Variants in ADGRD1 observed in about 807,000 individuals in gnomAD.
ADGRD1 encodes adhesion G protein-coupled receptor D1, also known as G-protein coupled receptor 133.
Under a neutral mutation model 113.4 loss-of-function variants are expected in ADGRD1, and 77 were observed. The ratio of observed to expected loss-of-function variants is 0.68; its 90% CI spans 0.57 to 0.82. The LOEUF (loss-of-function observed/expected upper bound fraction) is 0.82. Among genes scored for constraint, ADGRD1 ranks in the 40% least tolerant of loss-of-function variants. The pLI is 0.00. For missense variants in ADGRD1, 1,036 were observed against 1,139.1 expected (o/e 0.91, Z 1.30); for synonymous variants, 474 against 475.0 (o/e 1.00, Z 0.03).
Position 131,043,971 on chromosome 12 carries a change from G to A in ADGRD1, c.1473+29631G>A, listed in dbSNP as rs558560046. On this transcript the variant is annotated intron_variant, in intron 13 of 24. Coordinates refer to ENST00000261654, the MANE Select transcript of ADGRD1 (RefSeq NM_198827.5). ...GAGCAGAGTTGGGAGGGAAGCATTT[G>A]GCCGGGCCACTAGAGGTTCCCTGGT... 1.4e-4 allele frequency among the ~76,000 whole-genome samples: 21 copies of A among 152,286 alleles called. 1 individual carries two copies. The South Asian group carries it at 4.4e-3, about 32-fold the overall frequency.
intron 13 of ADGRD1, among the ~76,000 whole-genome samples, chr12:131,021,649 A>G (rs1248402248): frequency 1.3e-5 from 2 of 152,112 alleles, no homozygotes; most frequent in African/African-American, 4.8e-5. Flanking sequence ...GCTTGCAGAC[A>G]GTGTCTTCTC....
intron 6 of ADGRD1, chr12:130,988,165 G>C (rs1203917482): frequency 1.4e-5 from 2 of 139,000 alleles, no homozygotes; most frequent in Non-Finnish European, 3.3e-5. Flanking sequence ...CTCCCTTTCT[G>C]GGGGAGGTGT....
chr12:131,013,752 A>G (rs187908560), intron 12 of ADGRD1, among the ~76,000 whole-genome samples: 1 of 152,328 alleles, frequency 6.6e-6, no homozygotes, highest in Admixed American at 6.5e-5. Flanking sequence ...TCCTATAATC[A>G]GGGAAATTGA....
At chr12:130,996,387 C>A (rs567710711) in intron 8 of ADGRD1, among the ~76,000 whole-genome samples, 1 of 89,432 alleles carries the variant, frequency 1.1e-5, no homozygotes, top group Non-Finnish European at 2.5e-5. Context: ...CTGGACGGGG[C>A]GGCTGGCCGG....
intron 8 of ADGRD1, among the ~76,000 whole-genome samples, chr12:130,993,624 T>C (rs903072335): frequency 4.6e-5 from 7 of 151,798 alleles, no homozygotes; most frequent in South Asian, 2.1e-4. Flanking sequence ...CGTGGGAAGG[T>C]TATTTAACCT....
Position 130,971,256 on chromosome 12 carries a change from T to G in ADGRD1, c.188-202T>G. On this transcript the variant is annotated intron_variant, in intron 3 of 24. Transcript: ENST00000261654. This position sits in a 1 kb window ranked among gnomAD's most constrained non-coding sequence, Gnocchi z 4.2. Reference sequence around the variant, plus strand: ...ATTAAATTTTTATCTGACATACACATTAATAATTTACAATTTAATTACTAA... The same window carrying G: ...ATTAAATTTTTATCTGACATACACAGTAATAATTTACAATTTAATTACTAA... The G allele has an allele frequency of 3.8e-6, 1 of 264,322 alleles. No individual in the cohort carries two copies. 16.4% of individuals were successfully genotyped at this position (264,322 alleles called of 1,614,324 possible).
In ADGRD1 at chr12:131,085,570, C is replaced by T. The variant is rs967059858; in HGVS notation, c.1671+907C>T. Reference sequence around the variant, plus strand: ...CTGGGTTTGGGGTGGGGCACGTAGACGCTCATGTAGGTGGAAACCAGGAGT... The same window carrying T: ...CTGGGTTTGGGGTGGGGCACGTAGATGCTCATGTAGGTGGAAACCAGGAGT... On this transcript the variant is annotated intron_variant, in intron 15 of 24. Transcript: ENST00000261654. Among the ~76,000 whole-genome samples, 7 of 152,180 alleles carry T rather than the reference C, an allele frequency of 4.6e-5. No homozygotes were observed. In the East Asian group the frequency reaches 5.8e-4, roughly 13 times the overall value.
At chr12:131,089,628 G>GATGGGTGCTCCCA (rs1188839678) in intron 15 of ADGRD1, among the ~76,000 whole-genome samples, 12 of 111,532 alleles carry the variant, frequency 1.1e-4, no homozygotes, top group African/African-American at 4.8e-4. Context: ...GGGTGCTCCC[G>GATGGGTGCTCCCA]GCCAGTGAGT....
chr12:131,136,265 C>A (rs1369080375), intron 22 of ADGRD1, 102 bp downstream of exon 22: 7 of 1,395,116 alleles, frequency 5.0e-6, no homozygotes, highest in Middle Eastern at 4.3e-4. Context: ...CCTGCCCTCC[C>A]GGCCACACCT....
At chr12:130,993,460 T>C (rs1308799167) in intron 8 of ADGRD1, among the ~76,000 whole-genome samples, 1 of 150,782 alleles carries the variant, frequency 6.6e-6, no homozygotes, top group East Asian at 1.9e-4. Flanking sequence ...TAATACTCCC[T>C]GCTTTCAAGA....
In ADGRD1 at chr12:131,002,620, C is replaced by T. The variant is rs1014373284; in HGVS notation, c.1027-565C>T. ...TGAGGGCCCCCTGCTTTCTTGGGGGCAGTGTCTACCAGGATCCTCTGCTCT... is the reference window on the plus strand; with the variant it reads ...TGAGGGCCCCCTGCTTTCTTGGGGGTAGTGTCTACCAGGATCCTCTGCTCT... On this transcript the variant is annotated intron_variant, in intron 9 of 24. Transcript: ENST00000261654. The T allele has an allele frequency of 2.6e-5, 28 of 1,068,582 alleles. No homozygotes were observed. In the African/African-American group the frequency reaches 4.8e-4, roughly 18 times the overall value. 66.2% of individuals were successfully genotyped at this position (1,068,582 alleles called of 1,614,324 possible).
intron 18 of ADGRD1, among the ~76,000 whole-genome samples, chr12:131,109,740 G>A (rs1222391202): frequency 6.6e-6 from 1 of 152,146 alleles, no homozygotes; most frequent in Non-Finnish European, 1.5e-5. Flanking sequence ...ATACCTGTTA[G>A]GCCTAAGTTG....
At chr12:130,997,602 G>T (rs1377211941) in intron 8 of ADGRD1, among the ~76,000 whole-genome samples, 1 of 151,548 alleles carries the variant, frequency 6.6e-6, no homozygotes, top group Non-Finnish European at 1.5e-5. Flanking sequence ...CATCTCAGAC[G>T]ATGGGCGGCC....
In ADGRD1 at chr12:131,101,125, T is replaced by C. The variant is rs551197132; in HGVS notation, c.1672-3706T>C. ...GACGATGCCCCATGAAATGCAGCTA[T>C]GGTGTCCGAGAGTGATATGCATCCC... On this transcript the variant is annotated intron_variant, in intron 15 of 24. Transcript: ENST00000261654. 2.6e-5 allele frequency among the ~76,000 whole-genome samples: 4 copies of C among 152,126 alleles called. No homozygotes were observed. The South Asian group carries it at 8.3e-4, about 32-fold the overall frequency.
In ADGRD1 at chr12:131,066,520, G is replaced by A. The variant is rs144917787; in HGVS notation, c.1474-10281G>A. 3.5e-3 allele frequency among the ~76,000 whole-genome samples: 539 copies of A among 152,326 alleles called. 7 individuals are homozygous for A. The highest frequency in any genetic ancestry group is 0.011 in the African/African-American group (470 of 41,592). On this transcript the variant is annotated intron_variant, in intron 13 of 24. Coordinates refer to ENST00000261654, the MANE Select transcript of ADGRD1 (RefSeq NM_198827.5). Reference sequence around the variant, plus strand: ...CCACCTTGTGTGGGTTCATCCCACCGAAGTTCACGGAGTGCCCCTGCATGC... The same window carrying A: ...CCACCTTGTGTGGGTTCATCCCACCAAAGTTCACGGAGTGCCCCTGCATGC...
rs73477385 is a variant in ADGRD1, at chr12:131,048,095, G to T, written c.1474-28706G>T. Among the ~76,000 whole-genome samples the T allele has an allele frequency of 2.4e-3, 362 of 152,320 alleles. 1 individual carries two copies. The highest frequency in any genetic ancestry group is 8.2e-3 in the African/African-American group (340 of 41,562). On this transcript the variant is annotated intron_variant, in intron 13 of 24. Transcript: ENST00000261654. The stretch of plus-strand genomic sequence containing the variant: ...CAGCTGGACTTGCTGGTGGTCAAAG[G>T]CCCTTCAACCCTGAAACAGGGAGAG...
At chr12:130,969,311 A>G (rs1199751283) in intron 3 of ADGRD1, 2 of 479,788 alleles carry the variant, frequency 4.2e-6, no homozygotes, top group East Asian at 8.2e-5. Flanking sequence ...GACTGGCAGC[A>G]ATCCGTAGCC....
intron 15 of ADGRD1, among the ~76,000 whole-genome samples, chr12:131,103,575 C>CTAT (rs1950148228): frequency 6.9e-6 from 1 of 144,432 alleles, no homozygotes; most frequent in Non-Finnish European, 1.5e-5. Context: ...CAGTGCACTA[C>CTAT]CTGCCTCACC....
intron 15 of ADGRD1, among the ~76,000 whole-genome samples, chr12:131,098,966 C>T (rs548870377): frequency 2.6e-5 from 4 of 152,216 alleles, no homozygotes; most frequent in Non-Finnish European, 5.9e-5. Flanking sequence ...GTGTCCTCAT[C>T]TGTAAAGGGA....
Sources: allele counts gnomAD v4.1 joint callset (sites outside exome capture counted in the v4.1 genomes callset), GRCh38; gene constraint gnomAD v4.1.1; non-coding constraint Gnocchi (gnomAD v3.1); transcripts MANE v1.5; gene names NCBI Gene and HGNC (gene_info 2026-07-23, HGNC 2026-07-21).